The following ZNF704 variants were observed in gnomAD, a reference collection of about 807,000 sequenced individuals.
ZNF704 encodes zinc finger protein 704.
Under a neutral mutation model 44.7 loss-of-function variants are expected in ZNF704, and 10 were observed. The ratio of observed to expected loss-of-function variants is 0.22; its 90% CI spans 0.14 to 0.38. The LOEUF (loss-of-function observed/expected upper bound fraction) is 0.38. Ranked by LOEUF, ZNF704 falls within the 10% of genes least tolerant of loss-of-function variation. The pLI is 1.00. For missense variants in ZNF704, 390 were observed against 545.5 expected (o/e 0.71, Z 2.84); for synonymous variants, 211 against 207.6 (o/e 1.02, Z -0.14).
At chr8:80,771,979 A>C (rs1475400594) in intron 2 of ZNF704, among the ~76,000 whole-genome samples, 1 of 152,186 alleles carries the variant, frequency 6.6e-6, no homozygotes, top group Non-Finnish European at 1.5e-5. Flanking sequence ...TGTGGTGATT[A>C]ATAGGCTCAC....
Position 80,630,876 on chromosome 8 carries a change from G to A in ZNF704, c.*10490C>T, listed in dbSNP as rs1817572513. The A allele has an allele frequency of 6.6e-6, 1 of 152,006 alleles. No homozygotes were observed. Among genetic ancestry groups the A allele is most frequent in the Non-Finnish European group, 1.5e-5 (1 of 68,004 alleles). The allele number at this position is 152,006 out of a possible 1,614,324, so 9.4% of individuals were successfully genotyped here. ...TGTGTTGTAGGAAAATATTGATTCA[G>A]GGATTTTTTTTAAAAAAAACATGTA... On this transcript the variant is annotated 3_prime_UTR_variant, in exon 9 of 9. Coordinates refer to ENST00000327835, the MANE Select transcript of ZNF704 (RefSeq NM_001033723.3).
chr8:80,715,845 C>T (rs1026996638), intron 2 of ZNF704, among the ~76,000 whole-genome samples: 3 of 151,774 alleles, frequency 2.0e-5, no homozygotes, highest in Admixed American at 6.6e-5. Flanking sequence ...TTTGGAAGGC[C>T]GAGGCAGGTG....
At chr8:80,650,072 GC>G (rs1817892402) in intron 7 of ZNF704, among the ~76,000 whole-genome samples, 1 of 152,204 alleles carries the variant, frequency 6.6e-6, no homozygotes, top group East Asian at 1.9e-4. Context: ...TGGACCGCCA[GC>G]AAACTCCAAC....
chr8:80,806,125 C>T (rs540609682), intron 2 of ZNF704, among the ~76,000 whole-genome samples: 1 of 152,154 alleles, frequency 6.6e-6, no homozygotes, highest in Non-Finnish European at 1.5e-5. Flanking sequence ...CACAGAAAGT[C>T]GTGCATGATG....
chr8:80,643,877 G>C (rs1232208798), intron 7 of ZNF704, among the ~76,000 whole-genome samples: 7 of 152,158 alleles, frequency 4.6e-5, no homozygotes, highest in African/African-American at 1.7e-4. Flanking sequence ...TACGTAGCTA[G>C]TAAGCGACAA....
chr8:80,869,455 T>C (rs1423018619), intron 1 of ZNF704, among the ~76,000 whole-genome samples: 1 of 152,214 alleles, frequency 6.6e-6, no homozygotes, highest in Non-Finnish European at 1.5e-5. Context: ...AGAAAACTAC[T>C]GTCATCTGAT....
At chr8:80,765,776 C>T (rs1807216852) in intron 2 of ZNF704, among the ~76,000 whole-genome samples, 1 of 152,108 alleles carries the variant, frequency 6.6e-6, no homozygotes, top group South Asian at 2.1e-4. Flanking sequence ...TTCAGCAGCA[C>T]CTATCTCTTC....
Position 80,632,663 on chromosome 8 carries a change from A to G in ZNF704, c.*8703T>C, listed in dbSNP as rs1444023944. On this transcript the variant is annotated 3_prime_UTR_variant, in exon 9 of 9. Transcript: ENST00000327835. ...TAACTATGTGGTGGTGCCTAACATG[A>G]AAGAACATTTTAAAAAACAAGGACT... 6.6e-6 allele frequency: 1 copy of G among 152,204 alleles called. No individual in the cohort carries two copies. The highest frequency in any genetic ancestry group is 1.5e-5 in the Non-Finnish European group (1 of 68,028). 9.4% of individuals were successfully genotyped at this position (152,204 alleles called of 1,614,324 possible). A position where few individuals can be genotyped will look rare whatever the true frequency, so the allele number is the denominator to read the frequency against.
intron 7 of ZNF704, chr8:80,644,859 T>G: frequency 2.8e-6 from 2 of 720,822 alleles, no homozygotes; most frequent in South Asian, 1.5e-5. Context: ...GGCAACATAA[T>G]AATGTTATCT....
At chr8:80,744,969 G>T (rs1304674048) in intron 2 of ZNF704, among the ~76,000 whole-genome samples, 2 of 152,094 alleles carry the variant, frequency 1.3e-5, no homozygotes, top group Non-Finnish European at 2.9e-5. Flanking sequence ...ACACTTGTAT[G>T]CATTAAAAAC....
chr8:80,831,848 A>C (rs919686598), intron 1 of ZNF704, among the ~76,000 whole-genome samples: 5 of 152,214 alleles, frequency 3.3e-5, no homozygotes, highest in African/African-American at 1.2e-4. Context: ...GGAAGAGCTG[A>C]TGCTGATGTT....
intron 7 of ZNF704, among the ~76,000 whole-genome samples, chr8:80,647,558 G>C (rs144853596): frequency 6.6e-6 from 1 of 152,342 alleles, no homozygotes; most frequent in Non-Finnish European, 1.5e-5. Context: ...GGAGTTAAGA[G>C]GCTTTTGCAG....
intron 4 of ZNF704, among the ~76,000 whole-genome samples, chr8:80,673,756 A>G (rs975146562): frequency 2.0e-5 from 3 of 152,236 alleles, no homozygotes. Context: ...AAGAGTGCTC[A>G]TGTGTTGGTG....
upstream of ZNF704, among the ~76,000 whole-genome samples, chr8:80,878,838 T>G (rs1243221273): frequency 6.6e-6 from 1 of 152,238 alleles, no homozygotes; most frequent in African/African-American, 2.4e-5. Flanking sequence ...GGTTTTTTTT[T>G]TAGTGAGTGT....
At chr8:80,649,736 G>A (rs542355259) in intron 7 of ZNF704, among the ~76,000 whole-genome samples, 18 of 152,336 alleles carry the variant, frequency 1.2e-4, no homozygotes, top group African/African-American at 4.3e-4. Flanking sequence ...CACCTCTGGG[G>A]GCAGGGCATA....
the ZNF704 span, among the ~76,000 whole-genome samples, chr8:80,883,320 A>G: frequency 3.9e-5 from 6 of 152,004 alleles, no homozygotes; most frequent in African/African-American, 1.2e-4. Context: ...CTAATAAGCA[A>G]TGTTTTCCAA....
At chr8:80,667,251 T>C (rs1818209878) in intron 5 of ZNF704, among the ~76,000 whole-genome samples, 1 of 152,188 alleles carries the variant, frequency 6.6e-6, no homozygotes, top group Admixed American at 6.5e-5. Context: ...GGCGATGGCT[T>C]TGGCTTGCAT....
At chr8:80,666,368 T>G (rs1339824894) in intron 5 of ZNF704, among the ~76,000 whole-genome samples, 2 of 152,046 alleles carry the variant, frequency 1.3e-5, no homozygotes, top group Non-Finnish European at 2.9e-5. Flanking sequence ...CTATCATTGT[T>G]GGACATTTGG....
chr8:80,818,863 A>G (rs185610604), intron 2 of ZNF704, among the ~76,000 whole-genome samples: 4 of 152,160 alleles, frequency 2.6e-5, no homozygotes, highest in Non-Finnish European at 4.4e-5. Flanking sequence ...AAAACAAAAT[A>G]TTGATATACT....
Sources: gnomAD v4.1 joint callset for allele counts (sites outside exome capture counted in the v4.1 genomes callset) on GRCh38, gnomAD v4.1.1 for gene constraint, MANE v1.5 for transcripts, NCBI Gene and HGNC (gene_info 2026-07-23, HGNC 2026-07-21) for gene names.